The following CALN1 variants were observed in gnomAD, a reference collection of about 807,000 sequenced individuals.
CALN1 encodes calcium-binding protein 8.
CALN1 carries 17 observed loss-of-function variants against 30.6 expected under a neutral mutation model. The ratio of observed to expected loss-of-function variants is 0.56; its 90% CI spans 0.38 to 0.83. The LOEUF (loss-of-function observed/expected upper bound fraction) is 0.83, where lower values mean the gene tolerates loss of function less well. Among genes scored for constraint, CALN1 ranks in the 40% least tolerant of loss-of-function variants. The probability of loss-of-function intolerance (pLI) is 0.00; values close to 1 mark genes in which losing one functional copy is unlikely to be tolerated. For missense variants in CALN1, 291 were observed against 354.9 expected (o/e 0.82, Z 1.45); for synonymous variants, 156 against 131.4 (o/e 1.19, Z -1.28).
At chr7:72,293,922 C>A (rs1249998070) in intron 2 of CALN1, among the ~76,000 whole-genome samples, 1 of 151,908 alleles carries the variant, frequency 6.6e-6, no homozygotes, top group Non-Finnish European at 1.5e-5. Flanking sequence ...CATGGTGAAA[C>A]CCCGCCTCTC....
chr7:72,281,592 C>A (rs575766949), intron 2 of CALN1, among the ~76,000 whole-genome samples: 2 of 152,144 alleles, frequency 1.3e-5, no homozygotes, highest in Non-Finnish European at 2.9e-5. Flanking sequence ...CCTTAACCAA[C>A]GTTTAAGTCT....
intron 3 of CALN1, among the ~76,000 whole-genome samples, chr7:72,120,864 G>T (rs1459712006): frequency 6.6e-6 from 1 of 151,940 alleles, no homozygotes; most frequent in Non-Finnish European, 1.5e-5. Context: ...TGCAGCACAG[G>T]GCCTGGCCCA....
intron 6 of CALN1, among the ~76,000 whole-genome samples, chr7:71,808,789 T>G (rs1787767239): frequency 6.6e-6 from 1 of 152,170 alleles, no homozygotes; most frequent in Admixed American, 6.5e-5. Flanking sequence ...AGTAGAGCGC[T>G]TGAGCCCCAT....
intron 3 of CALN1, among the ~76,000 whole-genome samples, chr7:72,140,298 GAGAGAGAAGA>G (rs1184851710): frequency 1.5e-5 from 2 of 132,692 alleles, no homozygotes; most frequent in Non-Finnish European, 1.6e-5. Context: ...GAGAGAGAGA[GAGAGAGAAGA>G]AAGAGAGGAA....
chr7:71,794,435 G>C (rs948913578), intron 6 of CALN1, among the ~76,000 whole-genome samples: 1 of 152,094 alleles, frequency 6.6e-6, no homozygotes. Context: ...GTCTATAATA[G>C]AAGACTATAG....
At chr7:72,372,245 A>C (rs1161443104) in intron 2 of CALN1, among the ~76,000 whole-genome samples, 1 of 152,160 alleles carries the variant, frequency 6.6e-6, no homozygotes, top group South Asian at 2.1e-4. Flanking sequence ...TGGGGACAGT[A>C]GGAACCTCAA....
intron 6 of CALN1, 112 bp downstream of exon 6, chr7:71,810,224 G>T (rs1787867498): frequency 1.6e-6 from 2 of 1,230,476 alleles, no homozygotes. Context: ...TTTGGCTTCA[G>T]TACAAGGGAA....
chr7:72,230,143 A>T (rs1358065019), intron 3 of CALN1, among the ~76,000 whole-genome samples: 1 of 151,524 alleles, frequency 6.6e-6, no homozygotes, highest in African/African-American at 2.4e-5. Flanking sequence ...TCCGTCTCAA[A>T]AAACAAAAAC....
chr7:72,432,856 C>T (rs758746864), intron 1 of CALN1, among the ~76,000 whole-genome samples: 2 of 152,132 alleles, frequency 1.3e-5, no homozygotes, highest in Admixed American at 6.6e-5. Context: ...ACCAGGAAAT[C>T]GATCTGCCTC....
At chr7:72,382,467 T>A (rs1804961515) in intron 2 of CALN1, among the ~76,000 whole-genome samples, 1 of 152,214 alleles carries the variant, frequency 6.6e-6, no homozygotes, top group African/African-American at 2.4e-5. Context: ...TGCATTTTTT[T>A]ATTTCAATTT....
chr7:72,402,398 G>GC (rs1178895921), intron 2 of CALN1, among the ~76,000 whole-genome samples: 1 of 152,102 alleles, frequency 6.6e-6, no homozygotes, highest in Non-Finnish European at 1.5e-5. Context: ...TAAACTCACT[G>GC]CCCCCACCAT....
At chr7:72,416,320 C>T (rs538462409), upstream of CALN1, among the ~76,000 whole-genome samples, 25 of 152,342 alleles carry the variant, frequency 1.6e-4, no homozygotes, top group African/African-American at 6.0e-4. Flanking sequence ...CTGCTGCTCT[C>T]CACACACTGC....
At chr7:72,405,449 C>CA (rs2129562314) in intron 1 of CALN1, among the ~76,000 whole-genome samples, 1 of 152,302 alleles carries the variant, frequency 6.6e-6, no homozygotes, top group South Asian at 2.1e-4. Context: ...GGCATGTCTT[C>CA]ACACGCCTGT....
At chr7:72,093,685 C>T (rs998057084) in intron 4 of CALN1, among the ~76,000 whole-genome samples, 4 of 152,180 alleles carry the variant, frequency 2.6e-5, no homozygotes, top group Admixed American at 2.6e-4. Context: ...TAAGAACAAA[C>T]AAGCTCAGAC....
chr7:72,489,258 G>C, the CALN1 span, among the ~76,000 whole-genome samples: 3 of 152,212 alleles, frequency 2.0e-5, no homozygotes, highest in Non-Finnish European at 4.4e-5. Context: ...TGACCAAAAA[G>C]AATCACGATA....
At chr7:72,383,365 C>T (rs182303818) in intron 2 of CALN1, among the ~76,000 whole-genome samples, 1 of 152,342 alleles carries the variant, frequency 6.6e-6, no homozygotes, top group East Asian at 1.9e-4. Context: ...GTTGAACTAA[C>T]TTGCATTCCC....
intron 4 of CALN1, among the ~76,000 whole-genome samples, chr7:72,031,807 T>G (rs919446941): frequency 6.7e-6 from 1 of 149,382 alleles, no homozygotes; most frequent in Non-Finnish European, 1.5e-5. Flanking sequence ...AATGGCATGA[T>G]CTTGGCTGAT....
intron 5 of CALN1, among the ~76,000 whole-genome samples, chr7:72,012,944 C>T (rs1013058729): frequency 5.9e-5 from 9 of 152,060 alleles, no homozygotes; most frequent in South Asian, 2.1e-4. Flanking sequence ...TACAGGTGCA[C>T]GCCACCACGC....
intron 5 of CALN1, among the ~76,000 whole-genome samples, chr7:72,010,777 C>A (rs572200465): frequency 1.3e-5 from 2 of 149,426 alleles, no homozygotes; most frequent in African/African-American, 4.9e-5. Context: ...CGCGTCACTG[C>A]GCTCCAGCCA....
Sources: gnomAD v4.1 joint callset for allele counts (sites outside exome capture counted in the v4.1 genomes callset) on GRCh38, gnomAD v4.1.1 for gene constraint, MANE v1.5 for transcripts, NCBI Gene and HGNC (gene_info 2026-07-23, HGNC 2026-07-21) for gene names.